The following PLXNA2 variants were observed in gnomAD, a reference collection of about 807,000 sequenced individuals.
The protein encoded by PLXNA2 is plexin A2, also known as plexin-A2.
PLXNA2 carries 91 observed loss-of-function variants against 193.5 expected under a neutral mutation model. That is an observed-to-expected ratio of 0.47 (90% CI 0.40 to 0.56). The LOEUF (loss-of-function observed/expected upper bound fraction) is 0.56. Ranked by LOEUF, PLXNA2 falls within the 20% of genes least tolerant of loss-of-function variation. The pLI, the probability that PLXNA2 is intolerant of heterozygous loss-of-function variation, is 0.00. For missense variants in PLXNA2, 1,995 were observed against 2,503.2 expected (o/e 0.80, Z 4.33); for synonymous variants, 997 against 1,027.3 (o/e 0.97, Z 0.56).
intron 3 of PLXNA2, among the ~76,000 whole-genome samples, chr1:208,208,155 T>G (rs1241741441): frequency 1.3e-5 from 2 of 152,246 alleles, no homozygotes; most frequent in Admixed American, 1.3e-4. Context: ...TTGGGTCCCT[T>G]TTCCTTTATT....
chr1:208,092,741 C>A, intron 9 of PLXNA2, 45 bp downstream of exon 9: 1 of 1,387,826 alleles, frequency 7.2e-7, no homozygotes, highest in South Asian at 1.2e-5. Context: ...AGGGGCCACT[C>A]AGACTCACTG....
Position 208,217,870 on chromosome 1 carries a change from A to G in PLXNA2, c.53T>C (p.Val18Ala). 1 of 1,613,328 alleles carries G rather than the reference A, an allele frequency of 6.2e-7. No individual in the cohort carries two copies. The highest frequency in any genetic ancestry group is 1.1e-5 in the South Asian group (1 of 91,072). ...PRALEVDSRS[V>A]VLLSVVWVLL... ...CACCCAGACCACTGAGAGCAGGACC[A>G]CAGAGCGGCTGTCCACCTCCAGGGC... The change falls in exon 2 of 32, where the codon GTG becomes GCG. Residue 18 changes from valine (V) to alanine (A), a missense_variant. This residue lies in a region of PLXNA2 where 702 missense variants were observed against 812.9 expected (regional missense o/e 0.86). Transcript: ENST00000367033. The surrounding 1 kb of genome is among the most constrained non-coding windows in gnomAD (Gnocchi z 4.7).
rs201887316 is a variant in PLXNA2 at position 208,042,412 on chromosome 1, C to T, written c.4018-46G>A. 380 of 1,588,466 alleles carry T rather than the reference C, an allele frequency of 2.4e-4. 4 individuals carry two copies. In the African/African-American group the frequency reaches 4.2e-3, roughly 18 times the overall value. Reference sequence around the variant, plus strand: ...GGCGACGCCCTCAGAGGACAGGCATCGGGCCTCCTACCTGAGGGTCTCACT... The same window carrying T: ...GGCGACGCCCTCAGAGGACAGGCATTGGGCCTCCTACCTGAGGGTCTCACT... On this transcript the variant is annotated intron_variant, in intron 21 of 31. Coordinates refer to ENST00000367033, the MANE Select transcript of PLXNA2 (RefSeq NM_025179.4).
intron 3 of PLXNA2, among the ~76,000 whole-genome samples, chr1:208,201,973 A>ATTTTTTTTTTTTTTTTT (rs59313982): frequency 5.3e-5 from 7 of 132,626 alleles, no homozygotes; most frequent in African/African-American, 5.7e-5. Context: ...CAGGGCAAGA[A>ATTTTTTTTTTTTTTTTT]TTTTTTTTTT....
intron 22 of PLXNA2, among the ~76,000 whole-genome samples, chr1:208,041,350 G>A (rs868646763): frequency 6.7e-4 from 102 of 152,226 alleles, no homozygotes; most frequent in African/African-American, 2.3e-3. Flanking sequence ...GGCTCCCCAC[G>A]GCCTCTAGAG....
At chr1:208,206,090 C>T (rs558398310) in intron 3 of PLXNA2, among the ~76,000 whole-genome samples, 11 of 152,292 alleles carry the variant, frequency 7.2e-5, no homozygotes, top group African/African-American at 2.6e-4. Context: ...ATATAAAGCT[C>T]TTCAATAGCA....
chr1:208,088,657 G>T (rs996048311), intron 9 of PLXNA2, among the ~76,000 whole-genome samples: 2 of 152,362 alleles, frequency 1.3e-5, no homozygotes, highest in South Asian at 2.1e-4. Context: ...TGCTGGAAAG[G>T]TCTGACTCAT....
intron 3 of PLXNA2, among the ~76,000 whole-genome samples, chr1:208,160,523 G>A (rs1284655697): frequency 1.3e-5 from 2 of 152,234 alleles, no homozygotes; most frequent in Admixed American, 6.5e-5. Flanking sequence ...ATTGTTGCGT[G>A]GCTTCCACAC....
chr1:208,084,275 G>A, intron 10 of PLXNA2, 105 bp downstream of exon 10: 1 of 1,224,022 alleles, frequency 8.2e-7, no homozygotes, highest in Non-Finnish European at 1.2e-6. Context: ...GGCTCAGCCT[G>A]TGAACCTGGA....
At chr1:208,053,508 T>C (rs151124916) in intron 14 of PLXNA2, among the ~76,000 whole-genome samples, 21 of 152,270 alleles carry the variant, frequency 1.4e-4, no homozygotes, top group Admixed American at 1.4e-3. Flanking sequence ...AAGGTGGAGA[T>C]GCCAAGATAA....
chr1:208,096,921 C>T (rs767357517), intron 6 of PLXNA2, 38 bp from the exon 7 acceptor site: 66 of 1,587,686 alleles, frequency 4.2e-5, no homozygotes, highest in Non-Finnish European at 5.6e-5. Flanking sequence ...AAAGAAATGC[C>T]TCAGGAGACC....
chr1:208,116,858 G>A (rs1667653078), intron 4 of PLXNA2, among the ~76,000 whole-genome samples: 1 of 152,132 alleles, frequency 6.6e-6, no homozygotes, highest in African/African-American at 2.4e-5. Flanking sequence ...TGGATCCCCT[G>A]ACCCAGATGA....
chr1:208,095,708 C>T (rs539067780), intron 8 of PLXNA2, among the ~76,000 whole-genome samples: 3 of 152,244 alleles, frequency 2.0e-5, no homozygotes, highest in East Asian at 3.9e-4. Context: ...AAAGTCACCA[C>T]CAAGTGATGG....
In PLXNA2 at chr1:208,217,055, A is replaced by C. The variant is rs1376415803; in HGVS notation, c.868T>G (p.Phe290Val). The change falls in exon 2 of 32, where the codon TTC becomes GTC. Residue 290 changes from phenylalanine (F) to valine (V), a missense_variant. By Grantham distance (50) the Phe-to-Val change is conservative (BLOSUM62 -1). Around this residue, in one of 3 missense-constraint regions of PLXNA2, gnomAD observed 702 missense variants for 812.9 expected, o/e 0.86. Transcript: ENST00000367033. The surrounding 1 kb of genome is among the most constrained non-coding windows in gnomAD (Gnocchi z 4.7). ...AAGGGCAGGGACACGTATGAGTGGA[A>C]CTTGGGGTCATCCTTGCAGAGCCGC... ...IVRLCKDDPK[F>V]HSYVSLPFGC... 6.2e-7 allele frequency: 1 copy of C among 1,613,314 alleles called. No individual in the cohort carries two copies. The highest frequency in any genetic ancestry group is 1.3e-5 in the African/African-American group (1 of 74,908).
In PLXNA2 at chr1:208,244,168, C is replaced by G. The variant is rs1035732533; in HGVS notation, c.-606G>C. Reference sequence around the variant, plus strand: ...TGGCTGCGGCGCTCGCACGCCCTACCGCTCCCAAGCTCTCGGGGTCTCTCT... The same window carrying G: ...TGGCTGCGGCGCTCGCACGCCCTACGGCTCCCAAGCTCTCGGGGTCTCTCT... On this transcript the variant is annotated 5_prime_UTR_variant, in exon 1 of 32. Coordinates refer to ENST00000367033, the MANE Select transcript of PLXNA2 (RefSeq NM_025179.4). 1 of 155,644 alleles carries G rather than the reference C, an allele frequency of 6.4e-6. No homozygotes were observed. Among genetic ancestry groups the G allele is most frequent in the Non-Finnish European group, 1.4e-5 (1 of 70,728 alleles). The allele number at this position is 155,644 out of a possible 1,614,324, so 9.6% of individuals were successfully genotyped here. A position where few individuals can be genotyped will look rare whatever the true frequency, so the allele number is the denominator to read the frequency against.
intron 3 of PLXNA2, among the ~76,000 whole-genome samples, chr1:208,158,030 G>C (rs1668992607): frequency 6.6e-6 from 1 of 152,204 alleles, no homozygotes; most frequent in African/African-American, 2.4e-5. Flanking sequence ...TGTGAAACCA[G>C]GCCAGTGTGC....
chr1:208,218,032 C>CA, intron 1 of PLXNA2, 30 bp from the exon 2 acceptor site: 2 of 1,533,014 alleles, frequency 1.3e-6, no homozygotes, highest in Non-Finnish European at 1.7e-6. Context: ...GTGGTCAGAC[C>CA]AAAAATAATT....
At chr1:208,182,969 C>A (rs1048803951) in intron 3 of PLXNA2, among the ~76,000 whole-genome samples, 3 of 152,164 alleles carry the variant, frequency 2.0e-5, no homozygotes, top group Non-Finnish European at 2.9e-5. Context: ...ACCTCCTAGT[C>A]AAGAAAGAAA....
intron 3 of PLXNA2, among the ~76,000 whole-genome samples, chr1:208,168,090 AAGTTCCGCAAGCTTCT>A (rs1669365679): frequency 6.6e-6 from 1 of 152,200 alleles, no homozygotes; most frequent in Non-Finnish European, 1.5e-5. Flanking sequence ...AACCTTGGGC[AAGTTCCGCAAGCTTCT>A]AGGGCTTTCA....
Sources: allele counts gnomAD v4.1 joint callset (sites outside exome capture counted in the v4.1 genomes callset), GRCh38; gene constraint gnomAD v4.1.1; regional missense constraint gnomAD v4.1.1; non-coding constraint Gnocchi (gnomAD v3.1); transcripts MANE v1.5; gene names NCBI Gene and HGNC (gene_info 2026-07-23, HGNC 2026-07-21).